Variants in TRAF3 observed in about 807,000 individuals in gnomAD.
TRAF3 encodes TNF receptor-associated factor 3.
Under a neutral mutation model 62.3 loss-of-function variants are expected in TRAF3, and 13 were observed. The observed-to-expected ratio is 0.21, with a 90% CI of 0.14 to 0.33. The LOEUF (loss-of-function observed/expected upper bound fraction) is 0.33. Among genes scored for constraint, TRAF3 ranks in the 10% least tolerant of loss-of-function variants. The pLI, the probability that TRAF3 is intolerant of heterozygous loss-of-function variation, is 1.00. For synonymous variants in TRAF3, 269 were observed against 283.4 expected, an observed-to-expected ratio of 0.95 and a Z score of 0.51; for missense variants, 440 against 741.8, an observed-to-expected ratio of 0.59 and a Z score of 4.73.
chr14:102,876,327 A>G, intron 5 of TRAF3, 31 bp from the exon 6 acceptor site: 1 of 1,613,188 alleles, frequency 6.2e-7, no homozygotes, highest in East Asian at 2.2e-5. Context: ...TTTTTTTCCC[A>G]ATTAAGAACA....
intron 2 of TRAF3, among the ~76,000 whole-genome samples, chr14:102,845,520 T>TC (rs1280387424): frequency 1.4e-5 from 2 of 146,126 alleles, no homozygotes; most frequent in Non-Finnish European, 3.0e-5. Flanking sequence ...AAAAAAAAAT[T>TC]TTTTTTTTTT....
rs117843460 is a variant in TRAF3 at position 102,826,490 on chromosome 14, C to A, written c.-156-3844C>A. Among the ~76,000 whole-genome samples the A allele has an allele frequency of 0.029, 4,483 of 152,088 alleles. 97 individuals carry two copies. The highest frequency in any genetic ancestry group is 0.043 in the Non-Finnish European group (2,895 of 67,974). ...GAGCTCAGGGAAAGGGCCTTGCTGC[C>A]AGGGGTGGGAAGGGAGTCAGTGAAG... is the stretch of plus-strand genomic sequence containing the variant. On this transcript the variant is annotated intron_variant, in intron 1 of 11. Coordinates refer to ENST00000392745, the MANE Select transcript of TRAF3 (RefSeq NM_145725.3). The surrounding 1 kb of genome is among the most constrained non-coding windows in gnomAD (Gnocchi z 4.6).
At chr14:102,842,215 G>A (rs948023408) in intron 2 of TRAF3, among the ~76,000 whole-genome samples, 15 of 151,334 alleles carry the variant, frequency 9.9e-5, no homozygotes, top group Non-Finnish European at 1.6e-4. Context: ...CTGCACTCCA[G>A]CCTGGCGACA....
intron 1 of TRAF3, among the ~76,000 whole-genome samples, chr14:102,779,329 G>A (rs1897177428): frequency 6.8e-6 from 1 of 147,612 alleles, no homozygotes; most frequent in Non-Finnish European, 1.5e-5. Flanking sequence ...TCTGCGAGGG[G>A]AAAGAAGACC....
intron 7 of TRAF3, among the ~76,000 whole-genome samples, chr14:102,887,023 C>T (rs939505871): frequency 4.6e-5 from 7 of 152,296 alleles, no homozygotes; most frequent in Admixed American, 6.5e-5. Context: ...CCCTGTGTGG[C>T]CTCTCCCAAA....
intron 1 of TRAF3, among the ~76,000 whole-genome samples, chr14:102,822,398 A>G (rs1900041235): frequency 6.6e-6 from 1 of 152,226 alleles, no homozygotes; most frequent in Admixed American, 6.5e-5. Flanking sequence ...TAAATTACCT[A>G]TGTTGTCAAT....
At chr14:102,844,982 C>T (rs1049796646) in intron 2 of TRAF3, among the ~76,000 whole-genome samples, 1 of 152,140 alleles carries the variant, frequency 6.6e-6, no homozygotes, top group Non-Finnish European at 1.5e-5. Flanking sequence ...ACTGCAAGCC[C>T]TGCCTCCTGG....
intron 2 of TRAF3, among the ~76,000 whole-genome samples, chr14:102,850,688 TAAAAAAA>T (rs35096461): frequency 8.3e-4 from 73 of 87,490 alleles, no homozygotes; most frequent in African/African-American, 3.1e-3. Flanking sequence ...AGACTCCGTC[TAAAAAAA>T]AAAAAAAAAA....
At chr14:102,837,810 T>C (rs986171949) in intron 2 of TRAF3, among the ~76,000 whole-genome samples, 1 of 152,206 alleles carries the variant, frequency 6.6e-6, no homozygotes, top group African/African-American at 2.4e-5. Context: ...TATGGTCAAA[T>C]TGCTGGGTCT....
chr14:102,905,198 C>T lies in TRAF3; in HGVS notation c.1136-15C>T, dbSNP rs746286210. 1.2e-5 allele frequency: 20 copies of T among 1,612,464 alleles called. No homozygotes were observed. Among genetic ancestry groups the T allele is most frequent in the Non-Finnish European group, 8.5e-6 (10 of 1,179,862 alleles). On this transcript the variant is annotated splice_polypyrimidine_tract_variant and intron_variant, in intron 11 of 11. Transcript: ENST00000392745. Reference sequence around the variant, plus strand: ...TCACCTGTCTCATTCACCAAACCCTCCTCACCTGTGGCAGGCCTGCTGGAG... The same window carrying T: ...TCACCTGTCTCATTCACCAAACCCTTCTCACCTGTGGCAGGCCTGCTGGAG...
rs1375616807 is a variant in TRAF3 at position 102,906,282 on chromosome 14, T to A, written c.*498T>A. On this transcript the variant is annotated 3_prime_UTR_variant, in exon 12 of 12. Coordinates refer to ENST00000392745, the MANE Select transcript of TRAF3 (RefSeq NM_145725.3). ...TTCAAATACAGTATATTGTCTATTTTTAAGGCCTCATCTGGTCTCTGTTTT... is the reference window on the plus strand; with the variant it reads ...TTCAAATACAGTATATTGTCTATTTATAAGGCCTCATCTGGTCTCTGTTTT... 6.4e-6 allele frequency: 1 copy of A among 155,956 alleles called. No homozygotes were observed. Among genetic ancestry groups the A allele is most frequent in the East Asian group, 1.9e-4 (1 of 5,322 alleles). 9.7% of individuals were successfully genotyped at this position (155,956 alleles called of 1,614,324 possible).
At chr14:102,799,829 G>A (rs1898288654) in intron 1 of TRAF3, among the ~76,000 whole-genome samples, 1 of 152,176 alleles carries the variant, frequency 6.6e-6, no homozygotes, top group African/African-American at 2.4e-5. Flanking sequence ...ACATTTGTTT[G>A]TGGTTGTCCT....
intron 1 of TRAF3, 88 bp downstream of exon 1, chr14:102,777,763 G>T (rs1379375805): frequency 6.9e-6 from 1 of 144,890 alleles, no homozygotes; most frequent in Non-Finnish European, 1.5e-5. Context: ...CTGGGCGGCG[G>T]GGCCCGGGGG....
intron 1 of TRAF3, among the ~76,000 whole-genome samples, chr14:102,788,982 A>C (rs985420245): frequency 6.6e-6 from 1 of 152,114 alleles, no homozygotes; most frequent in African/African-American, 2.4e-5. Context: ...TAAAAAAGAA[A>C]AACAACTTTT....
intron 1 of TRAF3, among the ~76,000 whole-genome samples, chr14:102,801,274 A>G (rs1898396374): frequency 6.6e-6 from 1 of 152,054 alleles, no homozygotes; most frequent in Non-Finnish European, 1.5e-5. Context: ...ACACCCGGTG[A>G]ATTAATGTGT....
intron 10 of TRAF3, among the ~76,000 whole-genome samples, chr14:102,899,454 T>C (rs1474285249): frequency 6.6e-6 from 1 of 152,182 alleles, no homozygotes; most frequent in African/African-American, 2.4e-5. Context: ...AAAATCTTAC[T>C]GTGGCCCAGA....
chr14:102,895,910 G>A (rs1889983098), intron 9 of TRAF3, among the ~76,000 whole-genome samples: 1 of 152,150 alleles, frequency 6.6e-6, no homozygotes. Flanking sequence ...CTGCCTCTCC[G>A]TGTTGAGGGT....
intron 1 of TRAF3, among the ~76,000 whole-genome samples, chr14:102,784,681 T>A (rs1253057053): frequency 2.6e-5 from 4 of 152,186 alleles, no homozygotes; most frequent in Admixed American, 2.6e-4. Context: ...AGCTTCCATG[T>A]GATGAATGAG....
chr14:102,898,689 A>G (rs1890124479), intron 10 of TRAF3, among the ~76,000 whole-genome samples: 1 of 152,248 alleles, frequency 6.6e-6, no homozygotes, highest in Non-Finnish European at 1.5e-5. Flanking sequence ...GAATATACAC[A>G]GTGATGTACC....
Sources: allele counts gnomAD v4.1 joint callset (sites outside exome capture counted in the v4.1 genomes callset), GRCh38; gene constraint gnomAD v4.1.1; non-coding constraint Gnocchi (gnomAD v3.1); transcripts MANE v1.5; gene names NCBI Gene and HGNC (gene_info 2026-07-23, HGNC 2026-07-21).